The following PDS5A variants were observed in gnomAD, a reference collection of about 807,000 sequenced individuals.
The protein encoded by PDS5A is sister chromatid cohesion protein PDS5 homolog A.
PDS5A carries 42 observed loss-of-function variants against 167.1 expected under a neutral mutation model. The ratio of observed to expected loss-of-function variants is 0.25; its 90% CI spans 0.20 to 0.33. The LOEUF is 0.33. PDS5A is among the 10% of genes least tolerant of loss of function. PDS5A has a pLI of 1.00. For synonymous variants in PDS5A, 553 were observed against 554.6 expected (o/e 1.00, Z 0.04); for missense variants, 1,033 against 1,605.9 (o/e 0.64, Z 6.10).
chr4:39,848,723 T>C (rs903249095), intron 28 of PDS5A, 128 bp downstream of exon 28: 9 of 758,454 alleles, frequency 1.2e-5, no homozygotes, highest in Non-Finnish European at 1.8e-5. Flanking sequence ...AATTTCCCAC[T>C]CTTTGATAAA....
chr4:39,878,545 C>A (rs1356089205), intron 18 of PDS5A, among the ~76,000 whole-genome samples: 2 of 151,564 alleles, frequency 1.3e-5, no homozygotes, highest in African/African-American at 4.8e-5. Context: ...TGCAGTGAGC[C>A]GAGATCATGC....
chr4:39,872,560 G>T (rs533705039), intron 21 of PDS5A, among the ~76,000 whole-genome samples: 1 of 152,220 alleles, frequency 6.6e-6, no homozygotes, highest in Non-Finnish European at 1.5e-5. Flanking sequence ...AGCTACTTGG[G>T]AGGCTGAGGA....
intron 23 of PDS5A, among the ~76,000 whole-genome samples, chr4:39,864,690 G>A (rs541806948): frequency 6.6e-6 from 1 of 152,176 alleles, no homozygotes; most frequent in African/African-American, 2.4e-5. Context: ...GCCTCAAATG[G>A]TTTCTATGGC....
chr4:39,913,959 C>T (rs1724117963), intron 8 of PDS5A, among the ~76,000 whole-genome samples: 1 of 152,122 alleles, frequency 6.6e-6, no homozygotes, highest in African/African-American at 2.4e-5. Context: ...GTCTACTTCA[C>T]TGATTAATTG....
At position 39,949,639 on chromosome 4, in the gene PDS5A, T is replaced by C. The variant is rs185941942; in HGVS notation, c.139-21475A>G. ...TGAGCCCAGGAGTTCAAGACCGGACTGGGCAACAGGTGAAACCCCATCTCT... is the reference window on the plus strand; with the variant it reads ...TGAGCCCAGGAGTTCAAGACCGGACCGGGCAACAGGTGAAACCCCATCTCT... On this transcript the variant is annotated intron_variant, in intron 2 of 32. Coordinates refer to ENST00000303538, the MANE Select transcript of PDS5A (RefSeq NM_001100399.2). Among the ~76,000 whole-genome samples, 43 of 151,360 alleles carry C rather than the reference T, an allele frequency of 2.8e-4. 1 individual carries two copies. Among genetic ancestry groups the C allele is most frequent in the Admixed American group, 2.6e-3 (39 of 15,100 alleles).
intron 2 of PDS5A, among the ~76,000 whole-genome samples, chr4:39,940,748 G>A (rs184100547): frequency 1.3e-5 from 2 of 152,358 alleles, no homozygotes; most frequent in Admixed American, 6.5e-5. Context: ...CACCTCCAGG[G>A]CTCAAATGAT....
chr4:39,944,351 G>A (rs954538303), intron 2 of PDS5A, among the ~76,000 whole-genome samples: 3 of 152,024 alleles, frequency 2.0e-5, no homozygotes, highest in African/African-American at 4.8e-5. Flanking sequence ...GTTATTTTTA[G>A]CCTCAAGGGG....
chr4:39,910,487 A>G, intron 9 of PDS5A, 149 bp from the exon 10 acceptor site: 1 of 575,600 alleles, frequency 1.7e-6, no homozygotes, highest in African/African-American at 1.9e-5. Flanking sequence ...GGAAGAATAT[A>G]AAGTACACTA....
chr4:39,943,989 A>T (rs1278441016), intron 2 of PDS5A, among the ~76,000 whole-genome samples: 1 of 151,760 alleles, frequency 6.6e-6, no homozygotes, highest in Non-Finnish European at 1.5e-5. Context: ...CATCCTGGCT[A>T]ACACAGTGAA....
At chr4:39,855,585 G>T (rs1020576380) in intron 26 of PDS5A, among the ~76,000 whole-genome samples, 1 of 152,064 alleles carries the variant, frequency 6.6e-6, no homozygotes, top group African/African-American at 2.4e-5. Flanking sequence ...TGAGATAAAA[G>T]AAATAAAGAT....
intron 16 of PDS5A, among the ~76,000 whole-genome samples, chr4:39,893,241 A>C (rs1722122779): frequency 6.6e-6 from 1 of 152,202 alleles, no homozygotes; most frequent in Admixed American, 6.5e-5. Flanking sequence ...CAAGGTGTAG[A>C]AACCTAAAAC....
At chr4:39,887,367 A>T (rs1481212078) in intron 17 of PDS5A, among the ~76,000 whole-genome samples, 2 of 152,208 alleles carry the variant, frequency 1.3e-5, no homozygotes, top group Non-Finnish European at 2.9e-5. Context: ...TATTAAAATG[A>T]CTATACGGTT....
intron 2 of PDS5A, among the ~76,000 whole-genome samples, chr4:39,946,604 C>T (rs1221764082): frequency 6.6e-6 from 1 of 152,116 alleles, no homozygotes; most frequent in Non-Finnish European, 1.5e-5. Flanking sequence ...AGACATGTTA[C>T]TAATTACCTT....
chr4:39,863,118 T>C, intron 24 of PDS5A, 45 bp from the exon 25 acceptor site: 1 of 1,419,938 alleles, frequency 7.0e-7, no homozygotes, highest in Non-Finnish European at 9.9e-7. Flanking sequence ...ATTTATTAAA[T>C]AAAAAACAGC....
intron 32 of PDS5A, chr4:39,837,634 TAAATAA>T: frequency 2.1e-6 from 1 of 479,620 alleles, no homozygotes; most frequent in East Asian, 3.3e-5. Flanking sequence ...TACCATATCC[TAAATAA>T]AAATTACACA....
At chr4:39,876,011 C>T (rs762299650) in intron 19 of PDS5A, among the ~76,000 whole-genome samples, 11 of 152,038 alleles carry the variant, frequency 7.2e-5, no homozygotes, top group Non-Finnish European at 1.5e-4. Flanking sequence ...GTGATTATCT[C>T]CTTTCTTCTC....
At chr4:39,974,707 C>T (rs1253310414) in intron 2 of PDS5A, among the ~76,000 whole-genome samples, 1 of 152,052 alleles carries the variant, frequency 6.6e-6, no homozygotes. Context: ...CCACGCCCAG[C>T]TAATTTTGTA....
intron 2 of PDS5A, among the ~76,000 whole-genome samples, chr4:39,969,935 A>T (rs979548498): frequency 2.0e-5 from 3 of 149,506 alleles, no homozygotes; most frequent in East Asian, 3.9e-4. Context: ...AATATGAAGG[A>T]GTTGAAGGGT....
intron 7 of PDS5A, among the ~76,000 whole-genome samples, chr4:39,919,220 G>T (rs1035789891): frequency 2.0e-5 from 3 of 149,624 alleles, no homozygotes; most frequent in African/African-American, 7.3e-5. Flanking sequence ...AGATGATTAG[G>T]AAAGGAAAGA....
Sources: gnomAD v4.1 joint callset for allele counts (sites outside exome capture counted in the v4.1 genomes callset) on GRCh38, gnomAD v4.1.1 for gene constraint, MANE v1.5 for transcripts, NCBI Gene and HGNC (gene_info 2026-07-23, HGNC 2026-07-21) for gene names.